Variants in CCDC148 observed in about 807,000 individuals in gnomAD.
CCDC148 encodes coiled-coil domain-containing protein 148.
CCDC148 carries 89 observed loss-of-function variants against 85.7 expected under a neutral mutation model. The observed-to-expected ratio is 1.04, with a 90% CI of 0.87 to 1.24. CCDC148 has a LOEUF of 1.24. Ranked by LOEUF, CCDC148 falls within the 50% of genes most tolerant of loss-of-function variation. CCDC148 has a pLI of 0.00. For synonymous variants in CCDC148, 230 were observed against 213.9 expected (o/e 1.08, Z -0.66); for missense variants, 692 against 671.7 (o/e 1.03, Z -0.33).
chr2:158,352,524 G>GA (rs1440575770), intron 2 of CCDC148, among the ~76,000 whole-genome samples: 2 of 151,892 alleles, frequency 1.3e-5, no homozygotes, highest in Non-Finnish European at 2.9e-5. Context: ...GAAGTTTAGA[G>GA]AAAAAAGAAT....
chr2:158,231,742 T>C (rs566136876), intron 10 of CCDC148, among the ~76,000 whole-genome samples: 1 of 152,270 alleles, frequency 6.6e-6, no homozygotes, highest in East Asian at 1.9e-4. Context: ...GTATCATTGA[T>C]CACTCTTAGG....
At chr2:158,231,066 C>A (rs186085183) in intron 10 of CCDC148, among the ~76,000 whole-genome samples, 1 of 152,218 alleles carries the variant, frequency 6.6e-6, no homozygotes, top group African/African-American at 2.4e-5. Context: ...AGGGGCCAGA[C>A]GAACATCTGA....
At chr2:158,311,000 G>T (rs922325758) in intron 8 of CCDC148, among the ~76,000 whole-genome samples, 1 of 151,948 alleles carries the variant, frequency 6.6e-6, no homozygotes, top group Admixed American at 6.6e-5. Flanking sequence ...CTGGGCGGCC[G>T]GGCAGAGGGG....
chr2:158,348,426 G>T (rs1574663748), intron 2 of CCDC148, among the ~76,000 whole-genome samples: 1 of 131,934 alleles, frequency 7.6e-6, no homozygotes, highest in African/African-American at 2.9e-5. Flanking sequence ...AAGGATAGAG[G>T]AGCAAATCTA....
chr2:158,199,523 G>A (rs1465186331), intron 11 of CCDC148, among the ~76,000 whole-genome samples: 1 of 152,220 alleles, frequency 6.6e-6, no homozygotes, highest in Non-Finnish European at 1.5e-5. Flanking sequence ...GGGATTACAA[G>A]TGTGAGCCAC....
intron 9 of CCDC148, among the ~76,000 whole-genome samples, chr2:158,277,271 T>A (rs1689995191): frequency 6.6e-6 from 1 of 152,248 alleles, no homozygotes. Flanking sequence ...CAATGGCTAT[T>A]CACAGCAGGG....
At chr2:158,433,257 C>A (rs1687456583) in intron 1 of CCDC148, among the ~76,000 whole-genome samples, 1 of 89,528 alleles carries the variant, frequency 1.1e-5, no homozygotes, top group African/African-American at 3.3e-5. Flanking sequence ...AAGTCCTTGA[C>A]TCAAATATAT....
At chr2:158,309,112 T>C (rs1344763652) in intron 9 of CCDC148, among the ~76,000 whole-genome samples, 1 of 152,210 alleles carries the variant, frequency 6.6e-6, no homozygotes, top group Non-Finnish European at 1.5e-5. Context: ...CATTAGACAG[T>C]AACTTTATCA....
At chr2:158,416,041 C>G (rs1686485142) in intron 1 of CCDC148, among the ~76,000 whole-genome samples, 1 of 152,242 alleles carries the variant, frequency 6.6e-6, no homozygotes, top group African/African-American at 2.4e-5. Context: ...CAGCTCTTGT[C>G]TTCTGGGCAC....
At chr2:158,309,303 C>A in intron 9 of CCDC148, 130 bp downstream of exon 9, 1 of 743,578 alleles carries the variant, frequency 1.3e-6, no homozygotes, top group Non-Finnish European at 2.2e-6. Flanking sequence ...ACAGTTCAAA[C>A]TAACAGTTTT....
At position 158,172,187 on chromosome 2, in the gene CCDC148, T is replaced by C. The variant is rs1684347287; in HGVS notation, c.1702A>G (p.Lys568Glu). 3 of 1,610,418 alleles carry C rather than the reference T, an allele frequency of 1.9e-6. No homozygotes were observed. The highest frequency in any genetic ancestry group is 2.7e-5 in the African/African-American group (2 of 74,892). The change falls in exon 14 of 14, where the codon AAA becomes GAA. Residue 568 changes from lysine to glutamate, a missense_variant. Transcript: ENST00000283233. ...GGACTAATTTTTGGTAATATCTCTT[T>C]AGCATAAAGTGTTCTATGAAGTCCA... Reference protein sequence around the residue: ...EAGLHRTLYAKEILPKISPQK... With the variant: ...EAGLHRTLYAEEILPKISPQK...
intron 9 of CCDC148, among the ~76,000 whole-genome samples, chr2:158,261,003 T>TA (rs70990701): frequency 0.53 from 80,923 of 151,476 alleles, 23,973 homozygotes; most frequent in East Asian, 0.74. Flanking sequence ...TTCACAGAAC[T>TA]AAAAAAACTA....
chr2:158,376,356 G>C (rs1253171793), intron 1 of CCDC148, among the ~76,000 whole-genome samples: 1 of 152,074 alleles, frequency 6.6e-6, no homozygotes, highest in Admixed American at 6.6e-5. Flanking sequence ...GAATGCATCT[G>C]TAAGTATACA....
intron 1 of CCDC148, among the ~76,000 whole-genome samples, chr2:158,386,586 C>T (rs1185260959): frequency 2.0e-5 from 3 of 151,980 alleles, no homozygotes; most frequent in Admixed American, 2.0e-4. Flanking sequence ...ATTTTTTTCC[C>T]ATCATCTCAA....
rs369758746 is a variant in CCDC148 at position 158,288,256 on chromosome 2, G to C, written c.1110+21177C>G. ...CTGGAGACATTCTCCCCATTGTCTT[G>C]GGAATTAACATTTAGCTCCTTGTTA... On this transcript the variant is annotated intron_variant, in intron 9 of 13. Transcript: ENST00000283233. Among the ~76,000 whole-genome samples the C allele has an allele frequency of 5.9e-5, 9 of 152,296 alleles. No homozygotes were observed. The South Asian group carries it at 1.7e-3, about 28-fold the overall frequency.
intron 1 of CCDC148, among the ~76,000 whole-genome samples, chr2:158,394,822 C>T (rs770122663): frequency 3.9e-5 from 6 of 151,954 alleles, no homozygotes; most frequent in Non-Finnish European, 8.8e-5. Flanking sequence ...TACACCCTGA[C>T]AACTAAGAAA....
chr2:158,276,420 T>G (rs1428266239), intron 9 of CCDC148, among the ~76,000 whole-genome samples: 1 of 151,848 alleles, frequency 6.6e-6, no homozygotes. Context: ...GGAGACAAAG[T>G]GAGACTCGGT....
chr2:158,208,046 G>C (rs1158781778), intron 11 of CCDC148, among the ~76,000 whole-genome samples: 2 of 151,694 alleles, frequency 1.3e-5, no homozygotes, highest in Non-Finnish European at 2.9e-5. Context: ...TGTTGTTATT[G>C]GTAGTGAACT....
At chr2:158,283,020 C>A (rs1028671026) in intron 9 of CCDC148, among the ~76,000 whole-genome samples, 24 of 152,130 alleles carry the variant, frequency 1.6e-4, no homozygotes, top group Admixed American at 1.3e-3. Flanking sequence ...GAAAAACAAG[C>A]AATGGGGAAA....
Sources: gnomAD v4.1 joint callset for allele counts (sites outside exome capture counted in the v4.1 genomes callset) on GRCh38, gnomAD v4.1.1 for gene constraint, MANE v1.5 for transcripts, NCBI Gene and HGNC (gene_info 2026-07-23, HGNC 2026-07-21) for gene names.